SCAF4: variants seen among roughly 807,000 people sequenced by gnomAD.
SCAF4 encodes SR-related CTD associated factor 4.
SCAF4 carries 25 observed loss-of-function variants against 129.8 expected under a neutral mutation model. That is an observed-to-expected ratio of 0.19 (90% CI 0.14 to 0.27). SCAF4 has a LOEUF of 0.27. SCAF4 is among the 10% of genes least tolerant of loss of function. The pLI, the probability that SCAF4 is intolerant of heterozygous loss-of-function variation, is 1.00. For missense variants in SCAF4, 1,246 were observed against 1,457.1 expected (o/e 0.86, Z 2.36); for synonymous variants, 551 against 497.7 (o/e 1.11, Z -1.43).
chr21:31,718,819 T>C (rs1190247925), intron 1 of SCAF4, among the ~76,000 whole-genome samples: 1 of 152,272 alleles, frequency 6.6e-6, no homozygotes, highest in Non-Finnish European at 1.5e-5. Context: ...TCTTCCTAAA[T>C]TTCTTTACTA....
chr21:31,722,453 TCAAA>T lies in SCAF4; in HGVS notation c.30+9206_30+9209del, dbSNP rs1207485029. Reference sequence around the variant, plus strand: ...TATTTACAAACAACCAGAATCGGCCTCAAACAAATATAGAGATAAATAAAACTTT... The same window carrying T: ...TATTTACAAACAACCAGAATCGGCCTCAAATATAGAGATAAATAAAACTTT... On this transcript the variant is annotated intron_variant, in intron 1 of 19. Transcript: ENST00000286835. 5.3e-5 allele frequency among the ~76,000 whole-genome samples: 8 copies of T among 152,174 alleles called. No individual in the cohort carries two copies. In the East Asian group the frequency reaches 7.7e-4, roughly 15 times the overall value.
chr21:31,691,343 G>A (rs2050254704), intron 14 of SCAF4, among the ~76,000 whole-genome samples: 1 of 152,124 alleles, frequency 6.6e-6, no homozygotes, highest in African/African-American at 2.4e-5. Context: ...TTTTTGCAGT[G>A]CAATCCAGCG....
rs775473574 is a variant in SCAF4, at chr21:31,671,985, GGCTGTGGCTGCT to G, written c.2846_2857del (p.Gln949_Gln952del). The G allele has an allele frequency of 2.2e-4, 348 of 1,611,292 alleles. No homozygotes were observed. The highest frequency in any genetic ancestry group is 5.3e-4 in the Admixed American group (32 of 59,942). On this transcript the variant is annotated inframe_deletion, in exon 20 of 20. Transcript: ENST00000286835. ...CTGCTGTGGTTGCTGGGGCGCCTGC[GGCTGTGGCTGCT>G]GCTGTGGCTGCTGCGGCGGCTGTTG...
At chr21:31,713,362 A>T (rs752623665) in intron 1 of SCAF4, among the ~76,000 whole-genome samples, 2 of 152,204 alleles carry the variant, frequency 1.3e-5, no homozygotes, top group African/African-American at 2.4e-5. Context: ...TAAAATGGGG[A>T]TAACAGTAGT....
chr21:31,708,015 T>C (rs745867311), intron 1 of SCAF4, among the ~76,000 whole-genome samples: 6 of 152,358 alleles, frequency 3.9e-5, no homozygotes, highest in Non-Finnish European at 7.3e-5. Flanking sequence ...CAATTCTTCA[T>C]TGTATTACTT....
chr21:31,719,496 T>C (rs1396250273), intron 1 of SCAF4, among the ~76,000 whole-genome samples: 2 of 151,954 alleles, frequency 1.3e-5, no homozygotes, highest in African/African-American at 4.8e-5. Flanking sequence ...TAATGTATTA[T>C]TATTCTTCTT....
intron 7 of SCAF4, among the ~76,000 whole-genome samples, chr21:31,700,182 T>TCACACA (rs71193138): frequency 2.0e-5 from 3 of 148,422 alleles, no homozygotes; most frequent in East Asian, 1.9e-4. Context: ...ACACACACAC[T>TCACACA]CACACACACA....
At chr21:31,705,694 T>C (rs760397837) in intron 2 of SCAF4, among the ~76,000 whole-genome samples, 80 of 152,274 alleles carry the variant, frequency 5.3e-4, no homozygotes, top group Middle Eastern at 3.4e-3. Flanking sequence ...TTTTCTTAAA[T>C]TTTAAATCAA....
chr21:31,719,974 C>T (rs577624814), intron 1 of SCAF4, among the ~76,000 whole-genome samples: 1 of 152,314 alleles, frequency 6.6e-6, no homozygotes, highest in African/African-American at 2.4e-5. Context: ...AATCAATCCA[C>T]AACTTCTTCC....
At chr21:31,717,685 CA>C (rs1371684208) in intron 1 of SCAF4, among the ~76,000 whole-genome samples, 2 of 150,956 alleles carry the variant, frequency 1.3e-5, no homozygotes, top group African/African-American at 2.4e-5. Flanking sequence ...TAAAGCCTTT[CA>C]AAATTAGTAA....
At chr21:31,694,179 G>C in intron 11 of SCAF4, 25 bp downstream of exon 11, 1 of 1,395,826 alleles carries the variant, frequency 7.2e-7, no homozygotes, top group Non-Finnish European at 1.0e-6. Context: ...ATACAGGGTT[G>C]GAAAAAACAT....
intron 1 of SCAF4, among the ~76,000 whole-genome samples, chr21:31,714,387 G>A (rs908061050): frequency 4.6e-5 from 7 of 152,138 alleles, no homozygotes. Context: ...TTCTTTAGAA[G>A]GGATAAGCAT....
intron 19 of SCAF4, chr21:31,684,804 G>T: frequency 2.0e-6 from 1 of 498,484 alleles, no homozygotes; most frequent in East Asian, 3.7e-5. Flanking sequence ...TTTTATTCAA[G>T]ACAGACAAAC....
intron 13 of SCAF4, 115 bp downstream of exon 13, chr21:31,692,234 C>T (rs1433619797): frequency 1.4e-6 from 1 of 712,470 alleles, no homozygotes; most frequent in East Asian, 2.7e-5. Context: ...CACCTAAATT[C>T]TAGTCACATC....
At chr21:31,717,826 CAT>C (rs796625672) in intron 1 of SCAF4, among the ~76,000 whole-genome samples, 224 of 110,258 alleles carry the variant, frequency 2.0e-3, no homozygotes, top group Non-Finnish European at 2.9e-3. Context: ...AAACTGCTGC[CAT>C]ATATATATAT....
In SCAF4 at chr21:31,706,254, T is replaced by C. The variant is rs973659220; in HGVS notation, c.114+20A>G. 3.4e-6 allele frequency: 5 copies of C among 1,454,630 alleles called. No homozygotes were observed. Among genetic ancestry groups the C allele is most frequent in the Non-Finnish European group, 4.7e-6 (5 of 1,056,066 alleles). 90.1% of individuals were successfully genotyped at this position (1,454,630 alleles called of 1,614,324 possible). On this transcript the variant is annotated intron_variant, in intron 2 of 19. Coordinates refer to ENST00000286835, the MANE Select transcript of SCAF4 (RefSeq NM_020706.2). The stretch of plus-strand genomic sequence containing the variant: ...CAAAATTTCAAAAAGATTTCTCAAA[T>C]TGCTTTATTTTATCATTACCTTAAT...
At chr21:31,672,891 T>G (rs915763577) in intron 19 of SCAF4, among the ~76,000 whole-genome samples, 1 of 152,230 alleles carries the variant, frequency 6.6e-6, no homozygotes, top group African/African-American at 2.4e-5. Context: ...AAATGCCTCA[T>G]GCAGTTACTA....
intron 1 of SCAF4, among the ~76,000 whole-genome samples, chr21:31,715,950 T>G (rs1213467814): frequency 5.3e-5 from 8 of 152,204 alleles, no homozygotes; most frequent in Non-Finnish European, 1.2e-4. Context: ...AAATTGTTAG[T>G]GAATCTGTTC....
chr21:31,706,804 G>A (rs983645255), intron 1 of SCAF4: 7 of 227,342 alleles, frequency 3.1e-5, no homozygotes, highest in African/African-American at 7.1e-5. Flanking sequence ...TGCAGAAAAC[G>A]GAGAAACTAA....
Sources: gnomAD v4.1 joint callset for allele counts (sites outside exome capture counted in the v4.1 genomes callset) on GRCh38, gnomAD v4.1.1 for gene constraint, MANE v1.5 for transcripts, NCBI Gene and HGNC (gene_info 2026-07-23, HGNC 2026-07-21) for gene names.